NUMBL: variants seen among roughly 807,000 people sequenced by gnomAD.
NUMBL encodes the protein NUMB like endocytic adaptor protein.
NUMBL carries 20 observed loss-of-function variants against 48.9 expected under a neutral mutation model. That is an observed-to-expected ratio of 0.41 (90% CI 0.29 to 0.59). The LOEUF (loss-of-function observed/expected upper bound fraction) is 0.59. Ranked by LOEUF, NUMBL falls within the 20% of genes least tolerant of loss-of-function variation. The pLI, the probability that NUMBL is intolerant of heterozygous loss-of-function variation, is 0.31. For missense variants in NUMBL, 660 were observed against 846.2 expected (o/e 0.78, Z 2.73); for synonymous variants, 340 against 348.7 (o/e 0.98, Z 0.28).
intron 2 of NUMBL, 79 bp downstream of exon 2, chr19:40,686,832 G>T: frequency 1.1e-6 from 1 of 886,712 alleles, no homozygotes; most frequent in Non-Finnish European, 1.8e-6. Flanking sequence ...CTGTGTGACC[G>T]CAGGGACAGC....
chr19:40,684,581 G>A (rs1427387627), intron 2 of NUMBL, 25 bp from the exon 3 acceptor site: 1 of 1,582,750 alleles, frequency 6.3e-7, no homozygotes, highest in Admixed American at 1.7e-5. Context: ...CAGTGATGTG[G>A]GTCAAGGGTG....
rs140223196 is a variant in NUMBL at position 40,672,945 on chromosome 19, C to T, written c.1036+399G>A. ...AGTCTACTCCTGAGCAAAAACAGGC[C>T]AATGGTGTTGCTTCTCTTCTTTCCC... On this transcript the variant is annotated intron_variant, in intron 8 of 9. Coordinates refer to ENST00000252891, the MANE Select transcript of NUMBL (RefSeq NM_004756.5). Among the ~76,000 whole-genome samples the T allele has an allele frequency of 5.3e-5, 8 of 152,134 alleles. No homozygotes were observed. The East Asian group carries it at 1.4e-3, about 26-fold the overall frequency.
At chr19:40,674,416 G>A (rs981548799) in intron 7 of NUMBL, among the ~76,000 whole-genome samples, 6 of 152,148 alleles carry the variant, frequency 3.9e-5, no homozygotes, top group Admixed American at 6.5e-5. Flanking sequence ...TACTCTGGGA[G>A]GAAACCTGAC....
chr19:40,681,157 G>T, intron 5 of NUMBL, 100 bp from the exon 6 acceptor site: 2 of 1,343,432 alleles, frequency 1.5e-6, no homozygotes, highest in Non-Finnish European at 2.1e-6. Flanking sequence ...CCTGAACAGG[G>T]TGGGGACCCA....
chr19:40,672,223 C>T (rs1446346132), intron 8 of NUMBL, among the ~76,000 whole-genome samples: 1 of 152,204 alleles, frequency 6.6e-6, no homozygotes, highest in Non-Finnish European at 1.5e-5. Flanking sequence ...TGTCTCCTTT[C>T]CCTGGCCCAT....
intron 9 of NUMBL, 101 bp from the exon 10 acceptor site, chr19:40,668,239 T>C: frequency 6.9e-7 from 1 of 1,452,656 alleles, no homozygotes; most frequent in South Asian, 1.5e-5. Context: ...GCACGGACTC[T>C]GGAGCCAGAC....
At position 40,667,414 on chromosome 19, in the gene NUMBL, C is replaced by A. The variant is rs532281848; in HGVS notation, c.*54G>T. On this transcript the variant is annotated 3_prime_UTR_variant, in exon 10 of 10. Transcript: ENST00000252891. The surrounding 1 kb of genome is among the most constrained non-coding windows in gnomAD (Gnocchi z 6.1). Reference sequence around the variant, plus strand: ...CAGGGTTAGGGGAGAGGTTGTGCCTCCACCCCCAGGCGTGGGGCACCTGGA... The same window carrying A: ...CAGGGTTAGGGGAGAGGTTGTGCCTACACCCCCAGGCGTGGGGCACCTGGA... The A allele has an allele frequency of 1.9e-6, 3 of 1,576,260 alleles. No homozygotes were observed. The highest frequency in any genetic ancestry group is 2.6e-6 in the Non-Finnish European group (3 of 1,162,460).
chr19:40,683,162 A>G (rs1254520236), intron 3 of NUMBL, 194 bp from the exon 4 acceptor site: 1 of 638,434 alleles, frequency 1.6e-6, no homozygotes, highest in Non-Finnish European at 2.8e-6. Flanking sequence ...GGGAAACTGA[A>G]GCACAGCACG....
intron 7 of NUMBL, among the ~76,000 whole-genome samples, chr19:40,675,497 AAAAT>A (rs758742640): frequency 2.9e-4 from 42 of 142,564 alleles, no homozygotes; most frequent in East Asian, 6.0e-4. Context: ...AATTCACAGT[AAAAT>A]AAATAAATAA....
chr19:40,674,501 T>C (rs757278041), intron 7 of NUMBL, among the ~76,000 whole-genome samples: 7 of 151,918 alleles, frequency 4.6e-5, no homozygotes, highest in Non-Finnish European at 7.4e-5. Flanking sequence ...CAAACACACA[T>C]CTACCCTCCT....
At chr19:40,671,609 G>A (rs563035496) in intron 8 of NUMBL, among the ~76,000 whole-genome samples, 2 of 152,168 alleles carry the variant, frequency 1.3e-5, no homozygotes, top group East Asian at 1.9e-4. Flanking sequence ...TGGAGGGAGC[G>A]TGCGTCACTC....
intron 7 of NUMBL, 107 bp downstream of exon 7, chr19:40,677,125 C>T: frequency 8.0e-7 from 1 of 1,246,632 alleles, no homozygotes; most frequent in Non-Finnish European, 1.1e-6. Context: ...GAAGCATCCC[C>T]TACTTTGTAA....
chr19:40,667,524 TCTCTACAGTGG>T lies in NUMBL; in HGVS notation c.1763_1773del (p.Ala588GlufsTer17). 6.3e-7 allele frequency: 1 copy of T among 1,585,236 alleles called. No homozygotes were observed. Among genetic ancestry groups the T allele is most frequent in the Non-Finnish European group, 8.6e-7 (1 of 1,165,440 alleles). ...TCGCCAGAAAAGGGGTTGGAGGGTT[TCTCTACAGTGG>T]CTTTGCCTTCTAATGCCGCCCACTG... On this transcript the variant is annotated frameshift_variant, in exon 10 of 10. Transcript: ENST00000252891. LOFTEE classifies it high-confidence loss of function. This position sits in a 1 kb window ranked among gnomAD's most constrained non-coding sequence, Gnocchi z 6.1.
intron 6 of NUMBL, among the ~76,000 whole-genome samples, chr19:40,679,046 G>A (rs1385691434): frequency 2.6e-5 from 4 of 152,136 alleles, no homozygotes; most frequent in Non-Finnish European, 5.9e-5. Flanking sequence ...AGCCAAGATC[G>A]TGCCACTGTA....
intron 7 of NUMBL, among the ~76,000 whole-genome samples, chr19:40,674,073 C>T (rs894915243): frequency 6.6e-6 from 1 of 152,182 alleles, no homozygotes; most frequent in Non-Finnish European, 1.5e-5. Flanking sequence ...ATATGATTCT[C>T]ATTTTACAGA....
chr19:40,673,541 G>A lies in NUMBL; in HGVS notation c.839C>T (p.Pro280Leu). 1.3e-6 allele frequency: 2 copies of A among 1,557,036 alleles called. No homozygotes were observed. The highest frequency in any genetic ancestry group is 1.7e-6 in the Non-Finnish European group (2 of 1,150,456). Residue 280 changes from proline (P) to leucine (L), a missense_variant, in exon 8 of 10, where the codon CCT becomes CTT. This residue lies in a region of NUMBL where 278 missense variants were observed against 420.6 expected (regional missense o/e 0.66). Coordinates refer to ENST00000252891, the MANE Select transcript of NUMBL (RefSeq NM_004756.5). The surrounding 1 kb of genome is among the most constrained non-coding windows in gnomAD (Gnocchi z 5.9). ...SPGEKGEAGT[P>L]VAAGTTAAAI... ...GGCCGCAGTGGTGCCTGCAGCCACA[G>A]GGGTGCCTGCCTCACCCTTCTCACC...
chr19:40,685,379 G>A (rs1019336594), intron 2 of NUMBL: 4 of 154,114 alleles, frequency 2.6e-5, no homozygotes, highest in Admixed American at 2.0e-4. Context: ...CTCTATATCT[G>A]AGCAGGCAAG....
chr19:40,690,086 G>T (rs755544142), intron 1 of NUMBL: 54 of 187,242 alleles, frequency 2.9e-4, no homozygotes, highest in Non-Finnish European at 3.5e-4. Context: ...GAGAGGTAGG[G>T]ATTGTGTCTG....
In NUMBL at chr19:40,690,514, CCCTGGCTGGG is replaced by C. The variant is rs2081960229; in HGVS notation, c.-41_-32del. The stretch of plus-strand genomic sequence containing the variant: ...GCCCGGGCGCCCCCGCCTCCCGCGG[CCCTGGCTGGG>C]CCTGGCTCCCCGACTGCTGCTGCTG... On this transcript the variant is annotated 5_prime_UTR_variant, in exon 1 of 10. Coordinates refer to ENST00000252891, the MANE Select transcript of NUMBL (RefSeq NM_004756.5). 8.8e-6 allele frequency: 11 copies of C among 1,252,398 alleles called. No homozygotes were observed. Among genetic ancestry groups the C allele is most frequent in the South Asian group, 3.0e-5 (1 of 32,902 alleles). The allele number at this position is 1,252,398 out of a possible 1,614,324, so 77.6% of individuals were successfully genotyped here. A position where few individuals can be genotyped will look rare whatever the true frequency, so the allele number is the denominator to read the frequency against.
Sources: allele counts gnomAD v4.1 joint callset (sites outside exome capture counted in the v4.1 genomes callset), GRCh38; gene constraint gnomAD v4.1.1; regional missense constraint gnomAD v4.1.1; non-coding constraint Gnocchi (gnomAD v3.1); transcripts MANE v1.5; gene names NCBI Gene and HGNC (gene_info 2026-07-23, HGNC 2026-07-21).